FARS2: variants seen among roughly 807,000 people sequenced by gnomAD.
The protein encoded by FARS2 is phenylalanine--tRNA ligase, mitochondrial.
A neutral mutation model predicts 46.4 loss-of-function variants in FARS2; 40 were observed. The observed-to-expected ratio is 0.86, with a 90% confidence interval of 0.67 to 1.12. The LOEUF is 1.12. Ranked by LOEUF, FARS2 falls within the 50% of genes most tolerant of loss-of-function variation. The probability of loss-of-function intolerance (pLI) is 0.00; values close to 1 mark genes in which losing one functional copy is unlikely to be tolerated. For synonymous variants in FARS2, 234 were observed against 214.9 expected (o/e 1.09, Z -0.78); for missense variants, 513 against 567.9 (o/e 0.90, Z 0.98).
At chr6:5,315,745 T>TCTTTCTTC (rs1554162046) in intron 1 of FARS2, among the ~76,000 whole-genome samples, 1,791 of 150,284 alleles carry the variant, frequency 0.012, 28 homozygotes, top group African/African-American at 0.035. Flanking sequence ...TTTTTTCCTT[T>TCTTTCTTC]CTTTCTTTCT....
At chr6:5,648,459 G>C (rs537064016) in intron 6 of FARS2, among the ~76,000 whole-genome samples, 81 of 152,258 alleles carry the variant, frequency 5.3e-4, no homozygotes, top group African/African-American at 1.8e-3. Context: ...TCTGCATCCT[G>C]AGTGGGACCC....
At chr6:5,408,279 G>A (rs887017359) in intron 3 of FARS2, among the ~76,000 whole-genome samples, 9 of 152,182 alleles carry the variant, frequency 5.9e-5, no homozygotes, top group Non-Finnish European at 1.2e-4. Context: ...TCCTGCTGAG[G>A]CACATGCACG....
intron 4 of FARS2, among the ~76,000 whole-genome samples, chr6:5,450,724 A>G (rs898247420): frequency 1.3e-5 from 2 of 152,130 alleles, no homozygotes; most frequent in Non-Finnish European, 2.9e-5. Flanking sequence ...GGCACAAGGG[A>G]CAGCCTGTTC....
intron 1 of FARS2, among the ~76,000 whole-genome samples, chr6:5,295,486 G>C (rs1767791480): frequency 6.6e-6 from 1 of 151,958 alleles, no homozygotes; most frequent in Non-Finnish European, 1.5e-5. Context: ...TGTGTGCTTG[G>C]AAATTTAATA....
chr6:5,711,489 C>A (rs1047469971), intron 6 of FARS2, among the ~76,000 whole-genome samples: 1 of 152,134 alleles, frequency 6.6e-6, no homozygotes, highest in Non-Finnish European at 1.5e-5. Flanking sequence ...AGGAAGCTGA[C>A]GACCACTGCT....
At chr6:5,432,351 T>TATATTATA (rs1491454941) in intron 4 of FARS2, among the ~76,000 whole-genome samples, 1 of 42,316 alleles carries the variant, frequency 2.4e-5, no homozygotes, top group Non-Finnish European at 4.9e-5. Flanking sequence ...TATATATATA[T>TATATTATA]TATATATATA....
chr6:5,596,843 T>C (rs551700946), intron 5 of FARS2, among the ~76,000 whole-genome samples: 4 of 152,332 alleles, frequency 2.6e-5, no homozygotes, highest in South Asian at 2.1e-4. Context: ...CAGTTTACAA[T>C]GTAGGAAGGA....
intron 6 of FARS2, among the ~76,000 whole-genome samples, chr6:5,755,023 T>C (rs1762134878): frequency 6.6e-6 from 1 of 152,206 alleles, no homozygotes; most frequent in Non-Finnish European, 1.5e-5. Flanking sequence ...TATTCTATCC[T>C]ATATGTTTCT....
intron 4 of FARS2, among the ~76,000 whole-genome samples, chr6:5,455,100 G>A (rs1183834436): frequency 1.3e-5 from 2 of 152,210 alleles, no homozygotes; most frequent in South Asian, 2.1e-4. Flanking sequence ...CACAGAGCGG[G>A]TGGTCACGTG....
At chr6:5,483,225 C>T (rs1433543626) in intron 4 of FARS2, among the ~76,000 whole-genome samples, 5 of 152,148 alleles carry the variant, frequency 3.3e-5, no homozygotes, top group African/African-American at 9.7e-5. Context: ...ACACCTTTAT[C>T]GTAGCTTTTC....
At chr6:5,285,729 TTCAGTGTCTGTC>T (rs1561932097) in intron 1 of FARS2, among the ~76,000 whole-genome samples, 1 of 152,214 alleles carries the variant, frequency 6.6e-6, no homozygotes, top group Non-Finnish European at 1.5e-5. Flanking sequence ...TAGGTCAAGT[TTCAGTGTCTGTC>T]TCAGTGATGT....
At chr6:5,499,166 C>T (rs1220366444) in intron 4 of FARS2, among the ~76,000 whole-genome samples, 2 of 152,148 alleles carry the variant, frequency 1.3e-5, no homozygotes, top group Non-Finnish European at 1.5e-5. Flanking sequence ...AGGCGTGTAT[C>T]GATGAAGGCT....
At chr6:5,690,817 C>T (rs1287098817) in intron 6 of FARS2, among the ~76,000 whole-genome samples, 3 of 152,322 alleles carry the variant, frequency 2.0e-5, no homozygotes, top group Non-Finnish European at 4.4e-5. Flanking sequence ...CCATTCTCCC[C>T]ATCACTTTCA....
chr6:5,656,933 C>CCGTAT (rs1717499610), intron 6 of FARS2, among the ~76,000 whole-genome samples: 2 of 152,132 alleles, frequency 1.3e-5, no homozygotes, highest in South Asian at 4.1e-4. Context: ...GCTAACCATA[C>CCGTAT]CGTATATGTC....
rs112114319 is a variant in FARS2 at position 5,610,887 on chromosome 6, G to A, written c.1066-2282G>A. ...AGGACAATCCAGGGATGGAGGCAAC[G>A]CTCTGTGTCCCACCGACGTGGTATG... On this transcript the variant is annotated intron_variant, in intron 5 of 6. Transcript: ENST00000274680. Among the ~76,000 whole-genome samples, 144 of 152,330 alleles carry A rather than the reference G, an allele frequency of 9.5e-4. 5 individuals carry two copies. In the South Asian group the frequency reaches 0.018, roughly 19 times the overall value.
chr6:5,657,823 G>GT (rs770495533), intron 6 of FARS2, among the ~76,000 whole-genome samples: 2 of 152,196 alleles, frequency 1.3e-5, no homozygotes, highest in Non-Finnish European at 2.9e-5. Context: ...CTGAGTCATT[G>GT]TTAAGAGTGG....
chr6:5,433,024 G>A (rs1356800491), intron 4 of FARS2, among the ~76,000 whole-genome samples: 1 of 152,150 alleles, frequency 6.6e-6, no homozygotes, highest in African/African-American at 2.4e-5. Flanking sequence ...GCCCAGCACA[G>A]GGCTGGAAGC....
chr6:5,656,779 C>A (rs1430862517), intron 6 of FARS2, among the ~76,000 whole-genome samples: 2 of 152,142 alleles, frequency 1.3e-5, no homozygotes, highest in Non-Finnish European at 2.9e-5. Flanking sequence ...GAACTCCTGA[C>A]CTCAAGTGAT....
intron 6 of FARS2, among the ~76,000 whole-genome samples, chr6:5,694,638 T>G (rs768440700): frequency 6.6e-6 from 1 of 152,190 alleles, no homozygotes. Flanking sequence ...TATTTCTCTC[T>G]ATGTTCTAAA....
Sources: gnomAD v4.1 joint callset for allele counts (sites outside exome capture counted in the v4.1 genomes callset) on GRCh38, gnomAD v4.1.1 for gene constraint, MANE v1.5 for transcripts, NCBI Gene and HGNC (gene_info 2026-07-23, HGNC 2026-07-21) for gene names.